The following ANKRD6 variants were observed in gnomAD, a reference collection of about 807,000 sequenced individuals.
The protein encoded by ANKRD6 is ankyrin repeat domain 6, also known as ankyrin repeat domain-containing protein 6.
ANKRD6 carries 56 observed loss-of-function variants against 82.3 expected under a neutral mutation model. The ratio of observed to expected loss-of-function variants is 0.68; its 90% CI spans 0.55 to 0.85. The LOEUF (loss-of-function observed/expected upper bound fraction) is 0.85, where lower values mean the gene tolerates loss of function less well. ANKRD6 is among the 40% of genes least tolerant of loss of function. The pLI is 0.00. For missense variants in ANKRD6, 852 were observed against 907.6 expected (o/e 0.94, Z 0.79); for synonymous variants, 347 against 352.1 (o/e 0.99, Z 0.16).
At chr6:89,593,078 T>C (rs1336432852) in intron 2 of ANKRD6, among the ~76,000 whole-genome samples, 1 of 152,102 alleles carries the variant, frequency 6.6e-6, no homozygotes, top group African/African-American at 2.4e-5. Flanking sequence ...CATCTCAATT[T>C]TTTAAAAAGT....
At chr6:89,541,966 T>C (rs930581945) in intron 1 of ANKRD6, among the ~76,000 whole-genome samples, 1 of 151,888 alleles carries the variant, frequency 6.6e-6, no homozygotes, top group Non-Finnish European at 1.5e-5. Flanking sequence ...GCTTTCCTAA[T>C]TTTTTTTCTT....
chr6:89,511,079 G>A (rs1362896655), intron 1 of ANKRD6, among the ~76,000 whole-genome samples: 1 of 152,208 alleles, frequency 6.6e-6, no homozygotes, highest in Non-Finnish European at 1.5e-5. Context: ...AGCTACCCTT[G>A]ACATGGGGTA....
At chr6:89,578,405 C>T (rs1309117358) in intron 2 of ANKRD6, among the ~76,000 whole-genome samples, 2 of 151,038 alleles carry the variant, frequency 1.3e-5, no homozygotes, top group African/African-American at 2.4e-5. Context: ...AAGCGATTCT[C>T]CTGCCTCAGC....
Position 89,624,043 on chromosome 6 carries a change from G to A in ANKRD6, c.1204G>A (p.Gly402Arg), listed in dbSNP as rs1318178588. The change falls in exon 12 of 16, where the codon GGG becomes AGG. Residue 402 changes from glycine to arginine, a missense_variant. Transcript: ENST00000339746. ...CTACACATTGTACCGGGGCAAGGAT[G>A]GGAAAGTGATGCAGGTACCTGCAAA... is the stretch of plus-strand genomic sequence containing the variant. ...QLYTLYRGKD[G>R]KVMQAPINGC... 2.5e-6 allele frequency: 4 copies of A among 1,610,210 alleles called. No homozygotes were observed. Among genetic ancestry groups the A allele is most frequent in the Non-Finnish European group, 3.4e-6 (4 of 1,178,214 alleles).
In ANKRD6 at chr6:89,467,299, T is replaced by C. The variant is rs569492314; in HGVS notation, c.-144+33924T>C. Reference sequence around the variant, plus strand: ...ATCAGTGGATATTTATATTATAGTATATGGGGTATATTATTTATAGATATG... The same window carrying C: ...ATCAGTGGATATTTATATTATAGTACATGGGGTATATTATTTATAGATATG... On this transcript the variant is annotated intron_variant, in intron 1 of 15. Coordinates refer to ENST00000339746, the MANE Select transcript of ANKRD6 (RefSeq NM_001242809.2). Among the ~76,000 whole-genome samples the C allele has an allele frequency of 1.8e-4, 27 of 152,332 alleles. No individual in the cohort carries two copies. In the South Asian group the frequency reaches 5.2e-3, roughly 29 times the overall value.
intron 1 of ANKRD6, among the ~76,000 whole-genome samples, chr6:89,544,995 C>T (rs1478606434): frequency 2.0e-5 from 3 of 151,872 alleles, no homozygotes; most frequent in East Asian, 3.9e-4. Context: ...GGGCAGATCA[C>T]GAGATCAGGA....
intron 3 of ANKRD6, among the ~76,000 whole-genome samples, chr6:89,599,062 GCA>G: frequency 6.6e-6 from 1 of 152,140 alleles, no homozygotes; most frequent in African/African-American, 2.4e-5. Flanking sequence ...ATTAGACTTG[GCA>G]CACAGTAGGG....
chr6:89,496,219 G>A (rs967620129), intron 1 of ANKRD6, among the ~76,000 whole-genome samples: 2 of 150,456 alleles, frequency 1.3e-5, no homozygotes, highest in East Asian at 3.9e-4. Context: ...AATTTCCTTT[G>A]GGAAGACAAT....
chr6:89,456,084 A>G (rs531871080), intron 1 of ANKRD6, among the ~76,000 whole-genome samples: 2 of 152,286 alleles, frequency 1.3e-5, no homozygotes, highest in South Asian at 2.1e-4. Flanking sequence ...CATGTTGGCC[A>G]GGCTGGTCTG....
chr6:89,572,879 ATTTTTATTCTAATACCAACTGT>A (rs2128093750), intron 2 of ANKRD6, among the ~76,000 whole-genome samples: 1 of 152,264 alleles, frequency 6.6e-6, no homozygotes, highest in South Asian at 2.1e-4. Flanking sequence ...GGTTTTATAT[ATTTTTATTCTAATACCAACTGT>A]TTTGATTACT....
rs765257440 is a variant in ANKRD6 at position 89,630,801 on chromosome 6, A to G, written c.1981A>G (p.Thr661Ala). ...GCAGACTGGCCCTCACATTCGGGACACCTCCCAAGCTCTGGAGCTTACCCA... is the reference window on the plus strand; with the variant it reads ...GCAGACTGGCCCTCACATTCGGGACGCCTCCCAAGCTCTGGAGCTTACCCA... ...SEQTGPHIRD[T>A]SQALELTQYF... The change falls in exon 16 of 16, where the codon ACC (threonine) becomes GCC (alanine). Residue 661 changes from threonine to alanine, a missense_variant. Thr to Ala is a moderately conservative substitution (Grantham distance 58). Coordinates refer to ENST00000339746, the MANE Select transcript of ANKRD6 (RefSeq NM_001242809.2). 3 of 1,613,846 alleles carry G rather than the reference A, an allele frequency of 1.9e-6. No individual in the cohort carries two copies. The highest frequency in any genetic ancestry group is 2.5e-6 in the Non-Finnish European group (3 of 1,179,858).
intron 1 of ANKRD6, among the ~76,000 whole-genome samples, chr6:89,508,387 C>A (rs942115): frequency 0.4 from 61,239 of 152,014 alleles, 13,314 homozygotes; most frequent in African/African-American, 0.56. Flanking sequence ...AGTAAGTGAC[C>A]TAGAAGTGAT....
At chr6:89,624,504 A>G (rs1245502206) in intron 12 of ANKRD6, 35 bp from the exon 13 acceptor site, 1 of 1,550,112 alleles carries the variant, frequency 6.5e-7, no homozygotes, top group Non-Finnish European at 8.7e-7. Flanking sequence ...GAAGGAATGA[A>G]CAAGGGATTG....
At chr6:89,525,023 G>C (rs1782300911) in intron 1 of ANKRD6, among the ~76,000 whole-genome samples, 1 of 151,982 alleles carries the variant, frequency 6.6e-6, no homozygotes, top group African/African-American at 2.4e-5. Context: ...GGCTGGGTGT[G>C]GTGGTTCATG....
intron 12 of ANKRD6, 50 bp downstream of exon 12, chr6:89,624,107 G>T (rs1318168759): frequency 6.5e-7 from 1 of 1,535,260 alleles, no homozygotes; most frequent in Admixed American, 2.1e-5. Context: ...TTCAGCAAGG[G>T]TTTTTGTTTA....
chr6:89,602,740 A>G, intron 3 of ANKRD6: 1 of 398,972 alleles, frequency 2.5e-6, no homozygotes, highest in East Asian at 4.4e-5. Context: ...GGATGGCAGG[A>G]GAGAGCCTGA....
intron 1 of ANKRD6, among the ~76,000 whole-genome samples, chr6:89,474,723 A>G (rs1247413164): frequency 6.6e-6 from 1 of 152,100 alleles, no homozygotes; most frequent in Non-Finnish European, 1.5e-5. Flanking sequence ...AGCCTTTCTC[A>G]TCTTTTTAAA....
At chr6:89,434,252 C>T (rs1770343090) in intron 1 of ANKRD6, among the ~76,000 whole-genome samples, 1 of 152,170 alleles carries the variant, frequency 6.6e-6, no homozygotes, top group Non-Finnish European at 1.5e-5. Context: ...GTATTGTGTT[C>T]ATGCAGTGAA....
In ANKRD6 at chr6:89,440,543, ACTT is replaced by A. The variant is rs1344014805; in HGVS notation, c.-144+7171_-144+7173del. The stretch of plus-strand genomic sequence containing the variant: ...AAGGCAAGGAGCTTTTCTTGTATCC[ACTT>A]CTCAGTTGCCTTCGGCTCAAAATAA... On this transcript the variant is annotated intron_variant, in intron 1 of 15. Transcript: ENST00000339746. Among the ~76,000 whole-genome samples the A allele has an allele frequency of 2.6e-5, 4 of 152,162 alleles. No individual in the cohort carries two copies. In the East Asian group the frequency reaches 7.7e-4, roughly 29 times the overall value.
Sources: gnomAD v4.1 joint callset for allele counts (sites outside exome capture counted in the v4.1 genomes callset) on GRCh38, gnomAD v4.1.1 for gene constraint, MANE v1.5 for transcripts, NCBI Gene and HGNC (gene_info 2026-07-23, HGNC 2026-07-21) for gene names.